The following WRN variants were observed in gnomAD, a reference collection of about 807,000 sequenced individuals.
The protein encoded by WRN is WRN RecQ like helicase, also known as bifunctional 3'-5' exonuclease/ATP-dependent helicase WRN.
In WRN, 149 loss-of-function variants were observed where a neutral mutation model predicts 180.7. That is an observed-to-expected ratio of 0.82 (90% confidence interval 0.72 to 0.94). WRN has a LOEUF of 0.94. Among genes scored for constraint, WRN ranks in the 40% least tolerant of loss-of-function variants. The pLI, the probability that WRN is intolerant of heterozygous loss-of-function variation, is 0.00. For missense variants in WRN, 1,661 were observed against 1,700.1 expected (o/e 0.98, Z 0.40); for synonymous variants, 548 against 568.9 (o/e 0.96, Z 0.52).
chr8:31,169,792 T>C (rs999098869), intron 34 of WRN, among the ~76,000 whole-genome samples: 9 of 152,140 alleles, frequency 5.9e-5, no homozygotes, highest in Admixed American at 2.0e-4. Flanking sequence ...CCTGTCCTGC[T>C]TGGTTTTGAT....
chr8:31,152,094 A>G (rs1208220872), intron 31 of WRN, among the ~76,000 whole-genome samples: 2 of 152,184 alleles, frequency 1.3e-5, no homozygotes, highest in Non-Finnish European at 2.9e-5. Context: ...TAAATGTACA[A>G]TTAAAGAGTT....
At chr8:31,046,417 G>A (rs981749363) in intron 1 of WRN, among the ~76,000 whole-genome samples, 1 of 151,890 alleles carries the variant, frequency 6.6e-6, no homozygotes, top group East Asian at 1.9e-4. Flanking sequence ...TATGAGGGAG[G>A]ATTAAGAAAG....
At chr8:31,125,962 A>G (rs986307883) in intron 23 of WRN, among the ~76,000 whole-genome samples, 3 of 139,864 alleles carry the variant, frequency 2.1e-5, no homozygotes, top group Non-Finnish European at 4.7e-5. Flanking sequence ...CCAAGAAGAC[A>G]TCATCCTAAA....
At position 31,064,985 on chromosome 8, in the gene WRN, A is replaced by C. The variant is rs1812637621; in HGVS notation, c.426A>C (p.Gly142=). The change falls in exon 5 of 35, where the codon GGA becomes GGC. Residue 142 remains glycine, a synonymous_variant. Coordinates refer to ENST00000298139, the MANE Select transcript of WRN (RefSeq NM_000553.6). ...AVKKAGVGIE[G]DQWKLLRDFD... Reference sequence around the variant, plus strand: ...AAAAGGCAGGTGTAGGAATTGAAGGAGATCAGTGGAAACTTCTACGTGACT... The same window carrying C: ...AAAAGGCAGGTGTAGGAATTGAAGGCGATCAGTGGAAACTTCTACGTGACT... 1 of 1,613,774 alleles carries C rather than the reference A, an allele frequency of 6.2e-7. No homozygotes were observed.
At chr8:31,141,341 T>C (rs1254555052) in intron 24 of WRN, 89 bp from the exon 25 acceptor site, 2 of 1,532,948 alleles carry the variant, frequency 1.3e-6, no homozygotes, top group African/African-American at 2.7e-5. Context: ...TTAGTGTAAA[T>C]CCAAAGAATC....
intron 5 of WRN, 100 bp downstream of exon 5, chr8:31,065,163 G>A: frequency 8.1e-7 from 1 of 1,229,406 alleles, no homozygotes; most frequent in Non-Finnish European, 1.1e-6. Context: ...GAAAAAGCTT[G>A]TTATATAATG....
chr8:31,147,702 C>CT (rs1210495716), intron 30 of WRN, among the ~76,000 whole-genome samples: 2 of 152,058 alleles, frequency 1.3e-5, no homozygotes, highest in African/African-American at 4.8e-5. Context: ...TTTATAAAAT[C>CT]TAACTCATTA....
At chr8:31,142,963 A>G (rs779223593) in intron 27 of WRN, among the ~76,000 whole-genome samples, 13 of 151,890 alleles carry the variant, frequency 8.6e-5, no homozygotes, top group Non-Finnish European at 1.6e-4. Context: ...GGCTTAGAGT[A>G]GTCACATGTT....
intron 6 of WRN, among the ~76,000 whole-genome samples, chr8:31,067,896 A>T (rs932180193): frequency 1.3e-5 from 2 of 152,140 alleles, no homozygotes; most frequent in African/African-American, 4.8e-5. Context: ...ATTGGATGAT[A>T]ATTTTCCTTT....
chr8:31,090,694 A>G lies in WRN; in HGVS notation c.1721-140A>G, dbSNP rs905421866. The G allele has an allele frequency of 5.7e-6, 6 of 1,046,724 alleles. No homozygotes were observed. In the African/African-American group the frequency reaches 6.5e-5, roughly 11 times the overall value. The allele number at this position is 1,046,724 out of a possible 1,614,324, so 64.8% of individuals were successfully genotyped here. ...GAACAGATGCTCAGATTTATGTATC[A>G]ATTAGCTTTTAGGAAGATAGCATAC... is the stretch of plus-strand genomic sequence containing the variant. On this transcript the variant is annotated intron_variant, in intron 14 of 34. Transcript: ENST00000298139.
chr8:31,059,139 T>C lies in WRN; in HGVS notation c.97-14T>C. 1 of 1,602,598 alleles carries C rather than the reference T, an allele frequency of 6.2e-7. No homozygotes were observed. Among genetic ancestry groups the C allele is most frequent in the Non-Finnish European group, 8.6e-7 (1 of 1,169,588 alleles). ...GTGAACTTTGTGCCTGTTTTGAAAT[T>C]TACTAAACTCAAGGCATGTGTTCGG... On this transcript the variant is annotated splice_polypyrimidine_tract_variant and intron_variant, in intron 2 of 34. Coordinates refer to ENST00000298139, the MANE Select transcript of WRN (RefSeq NM_000553.6).
chr8:31,122,860 G>GTTTTTTTT (rs71206298), intron 21 of WRN, among the ~76,000 whole-genome samples: 10 of 69,482 alleles, frequency 1.4e-4, no homozygotes, highest in Admixed American at 2.3e-4. Context: ...TTCTTTTCTT[G>GTTTTTTTT]TTTTTTTTTT....
rs919375781 is a variant in WRN at position 31,172,897 on chromosome 8, A to G, written c.4192-98A>G. ...ATTTTGTTTGGATGGGGGAGAAAGG[A>G]TGGGTGTGTATTCAGGAACTTATGT... On this transcript the variant is annotated intron_variant, in intron 34 of 34. Coordinates refer to ENST00000298139, the MANE Select transcript of WRN (RefSeq NM_000553.6). The G allele has an allele frequency of 1.9e-5, 18 of 970,442 alleles. No individual in the cohort carries two copies. In the African/African-American group the frequency reaches 2.9e-4, roughly 16 times the overall value. The allele number at this position is 970,442 out of a possible 1,614,324, so 60.1% of individuals were successfully genotyped here. A position where few individuals can be genotyped will look rare whatever the true frequency, so the allele number is the denominator to read the frequency against.
In WRN at chr8:31,162,380, T is replaced by C. The variant is rs148456325; in HGVS notation, c.3983-4642T>C. 2.7e-3 allele frequency among the ~76,000 whole-genome samples: 412 copies of C among 152,314 alleles called. 2 individuals carry two copies. The highest frequency in any genetic ancestry group is 9.0e-3 in the African/African-American group (376 of 41,564). On this transcript the variant is annotated intron_variant, in intron 33 of 34. Coordinates refer to ENST00000298139, the MANE Select transcript of WRN (RefSeq NM_000553.6). The stretch of plus-strand genomic sequence containing the variant: ...GGGCTCAGGATCATCAGTCTCACTA[T>C]CTTCCACCTCCACATCTTGTCCCAC...
chr8:31,114,700 G>T (rs1392646019), intron 19 of WRN, among the ~76,000 whole-genome samples: 1 of 151,672 alleles, frequency 6.6e-6, no homozygotes, highest in East Asian at 1.9e-4. Flanking sequence ...GCAGTTTTTT[G>T]TTGTTGTTAA....
In WRN at chr8:31,096,778, C is replaced by T. The variant is rs148286708; in HGVS notation, c.1909C>T (p.Arg637Trp). ...VLTDIKLGKY[R>W]IVYVTPEYCS... The stretch of plus-strand genomic sequence containing the variant: ...TGTTTGTTTTTACAGAGGTAAATAC[C>T]GGATTGTATACGTAACTCCAGAATA... Residue 637 changes from arginine to tryptophan, a missense_variant, in exon 17 of 35, where the codon CGG (arginine) becomes TGG (tryptophan). Transcript: ENST00000298139. 592 of 1,609,108 alleles carry T rather than the reference C, an allele frequency of 3.7e-4. 1 individual carries two copies. The Middle Eastern group carries it at 3.8e-3, about 10-fold the overall frequency.
intron 15 of WRN, among the ~76,000 whole-genome samples, chr8:31,091,593 C>G (rs1368603721): frequency 6.6e-6 from 1 of 152,006 alleles, no homozygotes; most frequent in South Asian, 2.1e-4. Flanking sequence ...TTCCTTTACC[C>G]CCTGTCATCC....
chr8:31,157,016 TTAC>T (rs1436424051), intron 32 of WRN, among the ~76,000 whole-genome samples: 2 of 152,194 alleles, frequency 1.3e-5, no homozygotes, highest in Non-Finnish European at 2.9e-5. Flanking sequence ...GGGTTACAGT[TTAC>T]TATGTTTTCA....
At chr8:31,068,698 C>T (rs887690839) in intron 7 of WRN, among the ~76,000 whole-genome samples, 2 of 152,172 alleles carry the variant, frequency 1.3e-5, no homozygotes, top group Non-Finnish European at 2.9e-5. Flanking sequence ...GATGGCTTAT[C>T]CCCAAGATGG....
Sources: allele counts gnomAD v4.1 joint callset (sites outside exome capture counted in the v4.1 genomes callset), GRCh38; gene constraint gnomAD v4.1.1; transcripts MANE v1.5; gene names NCBI Gene and HGNC (gene_info 2026-07-23, HGNC 2026-07-21).